GALC: variants seen among roughly 807,000 people sequenced by gnomAD.
GALC encodes galactocerebrosidase.
A neutral mutation model predicts 91.8 loss-of-function variants in GALC; 77 were observed. The observed-to-expected ratio is 0.84, with a 90% CI of 0.70 to 1.01. GALC has a LOEUF of 1.01. Ranked by LOEUF, GALC falls within the 50% of genes least tolerant of loss-of-function variation. The pLI, the probability that GALC is intolerant of heterozygous loss-of-function variation, is 0.00. For synonymous variants in GALC, 357 were observed against 306.7 expected (o/e 1.16, Z -1.71); for missense variants, 882 against 855.9 (o/e 1.03, Z -0.38).
chr14:87,988,077 C>G, intron 3 of GALC, 67 bp downstream of exon 3: 1 of 1,177,526 alleles, frequency 8.5e-7, no homozygotes, highest in Non-Finnish European at 1.3e-6. Flanking sequence ...TCTGAAATCA[C>G]AGTCCATATG....
chr14:87,960,489 T>C (rs1412288432), intron 10 of GALC, among the ~76,000 whole-genome samples: 2 of 152,168 alleles, frequency 1.3e-5, no homozygotes, highest in Non-Finnish European at 2.9e-5. Flanking sequence ...ACCACATGTA[T>C]GTATCAAAAC....
intron 6 of GALC, among the ~76,000 whole-genome samples, chr14:87,980,334 A>G (rs112677811): frequency 6.6e-6 from 1 of 150,636 alleles, no homozygotes; most frequent in African/African-American, 2.4e-5. Context: ...GTGAGCCAAG[A>G]TGGCGCCATT....
intron 10 of GALC, among the ~76,000 whole-genome samples, chr14:87,957,712 A>C (rs1489549600): frequency 1.3e-5 from 2 of 152,228 alleles, no homozygotes; most frequent in African/African-American, 4.8e-5. Context: ...ACTGCTATAT[A>C]CCAATAATGA....
At chr14:87,946,889 G>C (rs1316913111) in intron 13 of GALC, among the ~76,000 whole-genome samples, 1 of 151,896 alleles carries the variant, frequency 6.6e-6, no homozygotes, top group Non-Finnish European at 1.5e-5. Context: ...CAGCCAACTA[G>C]ATCATTTCCT....
At position 87,934,385 on chromosome 14, in the gene GALC, T is replaced by C; in HGVS notation, c.*347A>G. The C allele has an allele frequency of 2.4e-6, 3 of 1,269,748 alleles. No individual in the cohort carries two copies. Among genetic ancestry groups the C allele is most frequent in the Non-Finnish European group, 3.0e-6 (3 of 999,628 alleles). The allele number at this position is 1,269,748 out of a possible 1,614,324, so 78.7% of individuals were successfully genotyped here. A position where few individuals can be genotyped will look rare whatever the true frequency, so the allele number is the denominator to read the frequency against. On this transcript the variant is annotated 3_prime_UTR_variant, in exon 17 of 17. Coordinates refer to ENST00000261304, the MANE Select transcript of GALC (RefSeq NM_000153.4). Reference sequence around the variant, plus strand: ...CAGTGATGATCAAGTTACTGCCATCTACAGGACCGCTTGCAAATAAGATGA... The same window carrying C: ...CAGTGATGATCAAGTTACTGCCATCCACAGGACCGCTTGCAAATAAGATGA...
chr14:87,984,451 G>T lies in GALC; in HGVS notation c.525C>A (p.Val175=), dbSNP rs181066089. The part of the protein sequence containing the change: ...YVNLQLTAYY[V]VTWIVGAKRY... Reference sequence around the variant, plus strand: ...GCTTGGCGCCCACAATCCAGGTCACGACATAATAGGCAGTCAGCTGAAGAT... The same window carrying T: ...GCTTGGCGCCCACAATCCAGGTCACTACATAATAGGCAGTCAGCTGAAGAT... The change falls in exon 5 of 17, where the codon GTC becomes GTA. Residue 175 remains valine (V), a synonymous_variant. Coordinates refer to ENST00000261304, the MANE Select transcript of GALC (RefSeq NM_000153.4). 6.2e-7 allele frequency: 1 copy of T among 1,614,018 alleles called. No individual in the cohort carries two copies. Among genetic ancestry groups the T allele is most frequent in the Non-Finnish European group, 8.5e-7 (1 of 1,179,934 alleles).
chr14:87,975,759 C>T (rs1886467449), intron 7 of GALC, among the ~76,000 whole-genome samples: 1 of 150,262 alleles, frequency 6.7e-6, no homozygotes, highest in African/African-American at 2.4e-5. Context: ...CACATACATA[C>T]ACACACACAC....
At chr14:87,961,850 C>G (rs901707896) in intron 10 of GALC, among the ~76,000 whole-genome samples, 1 of 152,128 alleles carries the variant, frequency 6.6e-6, no homozygotes, top group Admixed American at 6.6e-5. Flanking sequence ...AGTACCCGAT[C>G]GAGAGAAGAC....
At chr14:87,953,832 G>A (rs191758477) in intron 10 of GALC, 7 of 1,609,632 alleles carry the variant, frequency 4.3e-6, no homozygotes, top group East Asian at 4.5e-5. Context: ...TTTAGTCATG[G>A]TGCTATCTCC....
At chr14:87,953,202 A>C in intron 10 of GALC, 1 of 1,501,212 alleles carries the variant, frequency 6.7e-7, no homozygotes, top group Non-Finnish European at 9.2e-7. Flanking sequence ...TTAAAATGTC[A>C]ACTGATACGG....
At chr14:87,976,134 C>T (rs1432245789) in intron 7 of GALC, among the ~76,000 whole-genome samples, 1 of 152,170 alleles carries the variant, frequency 6.6e-6, no homozygotes, top group Non-Finnish European at 1.5e-5. Flanking sequence ...CAAACATCAA[C>T]ATGCTTTTTA....
intron 7 of GALC, among the ~76,000 whole-genome samples, chr14:87,973,584 A>C (rs1367235513): frequency 6.6e-6 from 1 of 152,204 alleles, no homozygotes; most frequent in East Asian, 1.9e-4. Flanking sequence ...AATTCTGGTA[A>C]TTAAAATTCC....
intron 7 of GALC, among the ~76,000 whole-genome samples, chr14:87,973,790 T>A (rs554344669): frequency 3.3e-5 from 5 of 152,302 alleles, no homozygotes; most frequent in Admixed American, 2.0e-4. Context: ...CTAAAGGATG[T>A]TTAGAAACAT....
intron 15 of GALC, 80 bp downstream of exon 15, chr14:87,941,315 C>A (rs553493589): frequency 4.4e-6 from 4 of 916,804 alleles, no homozygotes; most frequent in Admixed American, 2.0e-5. Flanking sequence ...CTTTTTATCA[C>A]TCCCACAAAT....
At chr14:87,991,808 C>A (rs1887211494) in intron 1 of GALC, among the ~76,000 whole-genome samples, 1 of 152,110 alleles carries the variant, frequency 6.6e-6, no homozygotes, top group South Asian at 2.1e-4. Flanking sequence ...GCTTAATAAA[C>A]CTAATGGAAA....
chr14:87,978,915 AC>A (rs1476009274), intron 6 of GALC, among the ~76,000 whole-genome samples: 1 of 152,198 alleles, frequency 6.6e-6, no homozygotes, highest in African/African-American at 2.4e-5. Context: ...ACTATTAAAA[AC>A]AAATCCTTAT....
intron 16 of GALC, 70 bp from the exon 17 acceptor site, chr14:87,934,948 T>C (rs1324796024): frequency 1.3e-5 from 14 of 1,117,674 alleles, no homozygotes; most frequent in East Asian, 4.8e-5. Flanking sequence ...TTCTTGATCA[T>C]GTATGGCCCA....
intron 9 of GALC, among the ~76,000 whole-genome samples, chr14:87,964,324 A>T (rs1402424626): frequency 6.6e-6 from 1 of 152,118 alleles, no homozygotes; most frequent in Non-Finnish European, 1.5e-5. Flanking sequence ...AAAACCACCA[A>T]ATTTAAGTTT....
At chr14:87,953,949 C>G in intron 10 of GALC, 1 of 1,609,528 alleles carries the variant, frequency 6.2e-7, no homozygotes, top group Non-Finnish European at 8.5e-7. Flanking sequence ...GAAGGTTTTT[C>G]TGTAGAGGAC....
Sources: gnomAD v4.1 joint callset for allele counts (sites outside exome capture counted in the v4.1 genomes callset) on GRCh38, gnomAD v4.1.1 for gene constraint, MANE v1.5 for transcripts, NCBI Gene and HGNC (gene_info 2026-07-23, HGNC 2026-07-21) for gene names.